The following BCHE variants were observed in gnomAD, a reference collection of about 807,000 sequenced individuals.
The protein encoded by BCHE is cholinesterase.
Under a neutral mutation model 51.3 loss-of-function variants are expected in BCHE, and 48 were observed. That is an observed-to-expected ratio of 0.94 (90% CI 0.74 to 1.19). The LOEUF is 1.19. Ranked by LOEUF, BCHE falls within the 50% of genes most tolerant of loss-of-function variation. The pLI, the probability that BCHE is intolerant of heterozygous loss-of-function variation, is 0.00. For missense variants in BCHE, 847 were observed against 708.2 expected (o/e 1.20, Z -2.23); for synonymous variants, 251 against 238.0 (o/e 1.05, Z -0.50).
At chr3:165,812,026 C>G (rs1714118712) in intron 2 of BCHE, among the ~76,000 whole-genome samples, 1 of 151,582 alleles carries the variant, frequency 6.6e-6, no homozygotes, top group South Asian at 2.1e-4. Context: ...CTCAAAGTAT[C>G]TGAAGGCTGT....
chr3:165,803,099 G>A (rs1713730984), intron 2 of BCHE, among the ~76,000 whole-genome samples: 1 of 152,156 alleles, frequency 6.6e-6, no homozygotes, highest in South Asian at 2.1e-4. Flanking sequence ...AATAAGAACT[G>A]AGCTCTGGGA....
At chr3:165,786,745 C>T (rs540787959) in intron 2 of BCHE, among the ~76,000 whole-genome samples, 2 of 151,792 alleles carry the variant, frequency 1.3e-5, no homozygotes, top group Admixed American at 6.6e-5. Context: ...CTTATTAATA[C>T]TGCTTGAGTT....
At chr3:165,782,562 T>G (rs1390150603) in intron 3 of BCHE, among the ~76,000 whole-genome samples, 1 of 152,166 alleles carries the variant, frequency 6.6e-6, no homozygotes, top group Non-Finnish European at 1.5e-5. Context: ...TGTTGTTTTT[T>G]GTCTAGCCAA....
At chr3:165,801,422 G>A (rs1418298421) in intron 2 of BCHE, among the ~76,000 whole-genome samples, 2 of 152,174 alleles carry the variant, frequency 1.3e-5, no homozygotes, top group East Asian at 3.9e-4. Context: ...GAAGCATCTT[G>A]TTTTATTAAA....
At chr3:165,787,213 A>G (rs1014422540) in intron 2 of BCHE, among the ~76,000 whole-genome samples, 1 of 151,824 alleles carries the variant, frequency 6.6e-6, no homozygotes. Context: ...GAGCTCATTT[A>G]TACCTTTATA....
chr3:165,804,214 G>A (rs1473075951), intron 2 of BCHE, among the ~76,000 whole-genome samples: 1 of 152,150 alleles, frequency 6.6e-6, no homozygotes, highest in Non-Finnish European at 1.5e-5. Context: ...AGAATAGTTG[G>A]AATGAGATAA....
intron 2 of BCHE, among the ~76,000 whole-genome samples, chr3:165,799,427 AT>A (rs1277062835): frequency 2.6e-5 from 4 of 152,090 alleles, no homozygotes; most frequent in African/African-American, 9.7e-5. Flanking sequence ...CAATGAGGGG[AT>A]TTTAGGTAAT....
At chr3:165,832,901 G>A (rs1411506049) in intron 1 of BCHE, among the ~76,000 whole-genome samples, 1 of 151,988 alleles carries the variant, frequency 6.6e-6, no homozygotes, top group East Asian at 1.9e-4. Flanking sequence ...TTCACCAATG[G>A]TCATAGGATA....
chr3:165,779,809 A>T (rs1360513305), intron 3 of BCHE, among the ~76,000 whole-genome samples: 1 of 152,224 alleles, frequency 6.6e-6, no homozygotes, highest in Non-Finnish European at 1.5e-5. Context: ...GATAGGAAGA[A>T]TCAATATTGT....
intron 2 of BCHE, among the ~76,000 whole-genome samples, chr3:165,798,767 T>C (rs1003478516): frequency 1.3e-5 from 2 of 152,100 alleles, no homozygotes; most frequent in Admixed American, 6.6e-5. Flanking sequence ...GTTAGAAGGA[T>C]TTCTTGAGCC....
chr3:165,828,604 A>G (rs183134781), intron 2 of BCHE, among the ~76,000 whole-genome samples: 1 of 152,264 alleles, frequency 6.6e-6, no homozygotes, highest in Non-Finnish European at 1.5e-5. Context: ...GAATCAATCA[A>G]CTTATGATTT....
At chr3:165,835,421 G>A (rs2108239498) in intron 1 of BCHE, among the ~76,000 whole-genome samples, 1 of 151,706 alleles carries the variant, frequency 6.6e-6, no homozygotes, top group Admixed American at 6.6e-5. Flanking sequence ...TTTTCCCTGT[G>A]TATAATTTCC....
intron 3 of BCHE, among the ~76,000 whole-genome samples, chr3:165,784,016 G>A (rs1046854949): frequency 1.3e-5 from 2 of 151,796 alleles, no homozygotes; most frequent in Non-Finnish European, 2.9e-5. Context: ...TGCTGAGGTG[G>A]TACTTACAAA....
chr3:165,822,226 A>C (rs1486075519), intron 2 of BCHE, among the ~76,000 whole-genome samples: 1 of 152,010 alleles, frequency 6.6e-6, no homozygotes, highest in East Asian at 1.9e-4. Flanking sequence ...CTATGAATGA[A>C]TGAATGAATG....
At chr3:165,807,772 C>T (rs988006069) in intron 2 of BCHE, among the ~76,000 whole-genome samples, 1 of 151,828 alleles carries the variant, frequency 6.6e-6, no homozygotes, top group Non-Finnish European at 1.5e-5. Context: ...CTATGTTGGC[C>T]AAGCTGGTGT....
At chr3:165,780,930 T>C (rs1247173834) in intron 3 of BCHE, among the ~76,000 whole-genome samples, 1 of 152,116 alleles carries the variant, frequency 6.6e-6, no homozygotes, top group East Asian at 1.9e-4. Context: ...CAAAGGAATA[T>C]AAATTATGCA....
In BCHE at chr3:165,793,673, C is replaced by T. The variant is rs192802978; in HGVS notation, c.1518-7362G>A. Among the ~76,000 whole-genome samples, 505 of 152,248 alleles carry T rather than the reference C, an allele frequency of 3.3e-3. 1 individual carries two copies. The highest frequency in any genetic ancestry group is 4.9e-3 in the Non-Finnish European group (333 of 68,020). The stretch of plus-strand genomic sequence containing the variant: ...CCGTATTTTTAAGAAAAACAGTATT[C>T]CAAACCAAGTAATGTGAAATTCTGC... On this transcript the variant is annotated intron_variant, in intron 2 of 3. Transcript: ENST00000264381.
chr3:165,802,330 G>T (rs1212761030), intron 2 of BCHE, among the ~76,000 whole-genome samples: 1 of 152,156 alleles, frequency 6.6e-6, no homozygotes, highest in African/African-American at 2.4e-5. Context: ...AAGAAATTTA[G>T]ATTTTATTCA....
rs55753636 is a variant in BCHE, at chr3:165,773,101, T to G, written c.*281A>C. On this transcript the variant is annotated 3_prime_UTR_variant, in exon 4 of 4. Coordinates refer to ENST00000264381, the MANE Select transcript of BCHE (RefSeq NM_000055.4). ...TAATTTTGGGGGGAAAAACTTAAAT[T>G]TATTAAGGAAAGAAAGAAATTGAAC... 8.4e-5 allele frequency: 22 copies of G among 260,410 alleles called. No homozygotes were observed. Among genetic ancestry groups the G allele is most frequent in the Non-Finnish European group, 9.5e-5 (13 of 137,158 alleles). 16.1% of individuals were successfully genotyped at this position (260,410 alleles called of 1,614,324 possible).
Sources: allele counts gnomAD v4.1 joint callset (sites outside exome capture counted in the v4.1 genomes callset), GRCh38; gene constraint gnomAD v4.1.1; transcripts MANE v1.5; gene names NCBI Gene and HGNC (gene_info 2026-07-23, HGNC 2026-07-21).